Variants in RAB38 observed in about 807,000 individuals in gnomAD.
RAB38 encodes RAB38, member RAS oncogene family.
In RAB38, 15 loss-of-function variants were observed where a neutral mutation model predicts 18.4. That is an observed-to-expected ratio of 0.82 (90% CI 0.55 to 1.26). The LOEUF is 1.26. Ranked by LOEUF, RAB38 falls within the 50% of genes most tolerant of loss-of-function variation. RAB38 has a pLI of 0.00. For missense variants in RAB38, 294 were observed against 267.4 expected, an observed-to-expected ratio of 1.10 and a Z score of -0.69; for synonymous variants, 101 against 104.4, an observed-to-expected ratio of 0.97 and a Z score of 0.20.
chr11:87,957,175 G>A, the RAB38 span, among the ~76,000 whole-genome samples: 1 of 152,002 alleles, frequency 6.6e-6, no homozygotes, highest in African/African-American at 2.4e-5. Flanking sequence ...TCCCTTAGGT[G>A]GTCAGTTCCA....
chr11:87,832,528 G>T, the RAB38 span, among the ~76,000 whole-genome samples: 1 of 152,046 alleles, frequency 6.6e-6, no homozygotes, highest in East Asian at 1.9e-4. Context: ...TGTAGTTGTG[G>T]GACTGAAGCC....
chr11:88,140,118 A>G (rs1051915014), intron 2 of RAB38, among the ~76,000 whole-genome samples: 1 of 152,246 alleles, frequency 6.6e-6, no homozygotes. Context: ...ATTGCCAAGC[A>G]AAGAATTTGC....
At chr11:87,880,566 A>C in the RAB38 span, among the ~76,000 whole-genome samples, 1 of 151,804 alleles carries the variant, frequency 6.6e-6, no homozygotes, top group East Asian at 2.0e-4. Context: ...ACACTGACTA[A>C]TACACTGTTT....
the RAB38 span, among the ~76,000 whole-genome samples, chr11:87,824,997 A>T: frequency 2.0e-5 from 3 of 150,966 alleles, no homozygotes; most frequent in Non-Finnish European, 3.0e-5. Context: ...AGAGAGAGTG[A>T]GTGTGTGTGT....
the RAB38 span, among the ~76,000 whole-genome samples, chr11:88,030,316 G>T: frequency 2.6e-5 from 4 of 152,128 alleles, no homozygotes; most frequent in Non-Finnish European, 5.9e-5. Flanking sequence ...ACAATTAAAA[G>T]AACTAGAAAA....
chr11:88,025,514 C>G, the RAB38 span, among the ~76,000 whole-genome samples: 1 of 152,102 alleles, frequency 6.6e-6, no homozygotes, highest in Non-Finnish European at 1.5e-5. Flanking sequence ...TATGTGTTCC[C>G]TTTTCTCTGC....
At chr11:88,132,521 G>A (rs1428142347) in intron 2 of RAB38, among the ~76,000 whole-genome samples, 3 of 152,158 alleles carry the variant, frequency 2.0e-5, no homozygotes, top group African/African-American at 4.8e-5. Context: ...ACAATGGCAC[G>A]ATCTTGGCTC....
the RAB38 span, among the ~76,000 whole-genome samples, chr11:87,889,181 C>CCTCTGCT: frequency 3.3e-5 from 5 of 151,548 alleles, no homozygotes; most frequent in Non-Finnish European, 7.4e-5. Context: ...ATGTGCCTGC[C>CCTCTGCT]CAGGAAGTAC....
At chr11:87,946,304 C>T in the RAB38 span, among the ~76,000 whole-genome samples, 1 of 152,100 alleles carries the variant, frequency 6.6e-6, no homozygotes, top group Non-Finnish European at 1.5e-5. Context: ...CATGGGCTAG[C>T]TTTAGGTCTT....
chr11:88,106,943 A>G, the RAB38 span, among the ~76,000 whole-genome samples: 1 of 152,190 alleles, frequency 6.6e-6, no homozygotes, highest in African/African-American at 2.4e-5. Context: ...CAAGTCATGA[A>G]TTCAGAAGTG....
the RAB38 span, among the ~76,000 whole-genome samples, chr11:87,870,584 G>A: frequency 1.3e-5 from 2 of 151,308 alleles, no homozygotes; most frequent in African/African-American, 2.4e-5. Context: ...TTTTTAGTTC[G>A]GTGTTTCTAA....
At chr11:87,872,263 T>C in the RAB38 span, among the ~76,000 whole-genome samples, 1 of 151,564 alleles carries the variant, frequency 6.6e-6, no homozygotes, top group Non-Finnish European at 1.5e-5. Flanking sequence ...CAGCTTTTTG[T>C]CCATTTTTAA....
At chr11:88,033,501 T>G in the RAB38 span, among the ~76,000 whole-genome samples, 65 of 152,266 alleles carry the variant, frequency 4.3e-4, no homozygotes, top group Non-Finnish European at 7.5e-4. Flanking sequence ...TATATATCAT[T>G]GGCTTTGATT....
At chr11:87,826,472 A>G in the RAB38 span, among the ~76,000 whole-genome samples, 2 of 152,158 alleles carry the variant, frequency 1.3e-5, no homozygotes, top group Non-Finnish European at 1.5e-5. Context: ...ATTGCTTTTT[A>G]TATATTTTTT....
chr11:87,965,657 T>C, the RAB38 span, among the ~76,000 whole-genome samples: 6 of 152,150 alleles, frequency 3.9e-5, no homozygotes, highest in Admixed American at 3.9e-4. Flanking sequence ...GGGACATAGA[T>C]GGTGAAATGT....
At chr11:88,003,867 ATTATATATTTAT>A in the RAB38 span, among the ~76,000 whole-genome samples, 2 of 4,440 alleles carry the variant, frequency 4.5e-4, no homozygotes, top group Non-Finnish European at 9.7e-4. Context: ...TATAAATATA[ATTATATATTTAT>A]ATATATAATT....
the RAB38 span, among the ~76,000 whole-genome samples, chr11:87,848,735 C>G: frequency 6.6e-6 from 1 of 152,038 alleles, no homozygotes; most frequent in Non-Finnish European, 1.5e-5. Context: ...TAAAGCTTTC[C>G]AAAAGCACCA....
chr11:88,055,726 T>C, the RAB38 span, among the ~76,000 whole-genome samples: 9 of 152,138 alleles, frequency 5.9e-5, no homozygotes, highest in East Asian at 1.7e-3. Flanking sequence ...GAATAAGAAG[T>C]AAAAACCATG....
At chr11:87,941,247 G>GAGATATATA in the RAB38 span, among the ~76,000 whole-genome samples, 1 of 30,874 alleles carries the variant, frequency 3.2e-5, no homozygotes, top group African/African-American at 1.4e-4. Context: ...ATATATATAT[G>GAGATATATA]TAACTTCTAT....
Sources: gnomAD v4.1 joint callset for allele counts (sites outside exome capture counted in the v4.1 genomes callset) on GRCh38, gnomAD v4.1.1 for gene constraint, MANE v1.5 for transcripts, NCBI Gene and HGNC (gene_info 2026-07-23, HGNC 2026-07-21) for gene names.